DLC1: variants seen among roughly 807,000 people sequenced by gnomAD.
DLC1 encodes DLC1 Rho GTPase activating protein, also known as rho GTPase-activating protein 7.
Under a neutral mutation model 140.3 loss-of-function variants are expected in DLC1, and 54 were observed. The ratio of observed to expected loss-of-function variants is 0.38; its 90% CI spans 0.31 to 0.48. DLC1 has a LOEUF of 0.48. Among genes scored for constraint, DLC1 ranks in the 20% least tolerant of loss-of-function variants. The pLI is 0.96. For synonymous variants in DLC1, 986 were observed against 728.1 expected (o/e 1.35, Z -5.70); for missense variants, 2,536 against 1,907.0 (o/e 1.33, Z -6.14).
chr8:13,327,683 C>G (rs551564395), intron 4 of DLC1, among the ~76,000 whole-genome samples: 1 of 152,296 alleles, frequency 6.6e-6, no homozygotes, highest in African/African-American at 2.4e-5. Context: ...CAAAAATGTA[C>G]TGAGCCTCTA....
chr8:13,404,809 C>A (rs929978693), intron 2 of DLC1, among the ~76,000 whole-genome samples: 1 of 151,918 alleles, frequency 6.6e-6, no homozygotes, highest in Non-Finnish European at 1.5e-5. Flanking sequence ...ACCAGCCTGG[C>A]CAACATGGTG....
At chr8:13,484,271 T>C (rs1162368416) in intron 2 of DLC1, among the ~76,000 whole-genome samples, 2 of 152,152 alleles carry the variant, frequency 1.3e-5, no homozygotes, top group African/African-American at 2.4e-5. Context: ...TTATGTTCAT[T>C]AGAATTGTTA....
At chr8:13,414,862 G>T (rs1837972591) in intron 2 of DLC1, among the ~76,000 whole-genome samples, 1 of 152,094 alleles carries the variant, frequency 6.6e-6, no homozygotes, top group Non-Finnish European at 1.5e-5. Context: ...CCAGGCTGGA[G>T]TGCAATGGCT....
chr8:13,561,802 T>C (rs1204397298), intron 1 of DLC1, among the ~76,000 whole-genome samples: 1 of 152,202 alleles, frequency 6.6e-6, no homozygotes, highest in Non-Finnish European at 1.5e-5. Context: ...CAAAGATAAA[T>C]ATCCAATTTT....
At chr8:13,455,306 G>T (rs764623873) in intron 2 of DLC1, among the ~76,000 whole-genome samples, 4 of 152,058 alleles carry the variant, frequency 2.6e-5, no homozygotes, top group Non-Finnish European at 4.4e-5. Context: ...ATCCTTGGCC[G>T]GTCTGTTAAA....
At position 13,587,164 on chromosome 8, in the gene DLC1, C is replaced by G. The variant is rs142051932; in HGVS notation, c.-126+17373G>C. On this transcript the variant is annotated intron_variant, in intron 1 of 1. Transcript: ENST00000631382. ...CATATACACCACAAGCCTGTACATG[C>G]ACAGATGCACATTTTATTAGAATAG... Among the ~76,000 whole-genome samples, 113 of 151,288 alleles carry G rather than the reference C, an allele frequency of 7.5e-4. 1 individual carries two copies. Among genetic ancestry groups the G allele is most frequent in the African/African-American group, 2.5e-3 (103 of 41,246 alleles).
chr8:13,443,343 TAAAA>T (rs58765529), intron 2 of DLC1, among the ~76,000 whole-genome samples: 93 of 123,226 alleles, frequency 7.5e-4, no homozygotes, highest in African/African-American at 2.5e-3. Flanking sequence ...CCCTAAAACT[TAAAA>T]AAAAAAAAAA....
At chr8:13,478,905 A>T (rs1291435153) in intron 2 of DLC1, among the ~76,000 whole-genome samples, 1 of 152,230 alleles carries the variant, frequency 6.6e-6, no homozygotes, top group Admixed American at 6.5e-5. Flanking sequence ...ACTTGCCTAA[A>T]CAAGCTGGCC....
At chr8:13,483,231 T>C (rs1435843954) in intron 2 of DLC1, among the ~76,000 whole-genome samples, 1 of 152,166 alleles carries the variant, frequency 6.6e-6, no homozygotes, top group Non-Finnish European at 1.5e-5. Flanking sequence ...AGATTGAGGG[T>C]CCACCTGGGA....
At chr8:13,431,222 C>T (rs1316393706) in intron 2 of DLC1, among the ~76,000 whole-genome samples, 4 of 152,082 alleles carry the variant, frequency 2.6e-5, no homozygotes, top group East Asian at 1.9e-4. Context: ...CAGTGGCTCA[C>T]GCCTGTAATC....
In DLC1 at chr8:13,323,767, A is replaced by G. The variant is rs573396449; in HGVS notation, c.1315-18465T>C. Among the ~76,000 whole-genome samples, 6 of 152,336 alleles carry G rather than the reference A, an allele frequency of 3.9e-5. No individual in the cohort carries two copies. The East Asian group carries it at 7.7e-4, about 20-fold the overall frequency. Reference sequence around the variant, plus strand: ...ATACCTTATTGTTTGGAATATTTACATATTTAATCCTCACAGCAGTCCTAT... The same window carrying G: ...ATACCTTATTGTTTGGAATATTTACGTATTTAATCCTCACAGCAGTCCTAT... On this transcript the variant is annotated intron_variant, in intron 4 of 17. Coordinates refer to ENST00000276297, the MANE Select transcript of DLC1 (RefSeq NM_182643.3).
intron 10 of DLC1, among the ~76,000 whole-genome samples, chr8:13,097,282 G>C (rs1339487033): frequency 1.0e-5 from 1 of 99,592 alleles, no homozygotes; most frequent in Non-Finnish European, 2.1e-5. Context: ...TATTTTTTGA[G>C]ATAGAGTCTT....
intron 7 of DLC1, among the ~76,000 whole-genome samples, chr8:13,109,898 AC>A: frequency 6.6e-6 from 1 of 152,264 alleles, no homozygotes; most frequent in South Asian, 2.1e-4. Flanking sequence ...AAAAACAGAA[AC>A]AAAAACAGAA....
At chr8:13,493,370 C>G (rs993892262) in intron 2 of DLC1, among the ~76,000 whole-genome samples, 1 of 152,060 alleles carries the variant, frequency 6.6e-6, no homozygotes, top group Non-Finnish European at 1.5e-5. Flanking sequence ...GCTTAACTAT[C>G]TTTTAGGTTT....
At chr8:13,230,201 G>A (rs991565695) in intron 5 of DLC1, among the ~76,000 whole-genome samples, 1 of 152,278 alleles carries the variant, frequency 6.6e-6, no homozygotes, top group Admixed American at 6.5e-5. Flanking sequence ...ACCATTTCTG[G>A]TACTTGTAGC....
chr8:13,181,606 G>A (rs1826041781), intron 5 of DLC1, among the ~76,000 whole-genome samples: 1 of 150,948 alleles, frequency 6.6e-6, no homozygotes, highest in Admixed American at 6.6e-5. Flanking sequence ...CTGTCCTTGT[G>A]ATAGTTTGCT....
chr8:13,575,730 C>T (rs944976533), intron 1 of DLC1, among the ~76,000 whole-genome samples: 1 of 152,208 alleles, frequency 6.6e-6, no homozygotes, highest in Non-Finnish European at 1.5e-5. Flanking sequence ...TCACCTGAAA[C>T]TGGTAAGGGC....
chr8:13,534,285 CAT>C (rs779586090), intron 1 of DLC1, among the ~76,000 whole-genome samples: 12 of 152,296 alleles, frequency 7.9e-5, no homozygotes, highest in Admixed American at 2.0e-4. Flanking sequence ...TAAAGCTTCA[CAT>C]GTTTGCACTA....
In DLC1 at chr8:13,434,931, T is replaced by A. The variant is rs994500875; in HGVS notation, c.1024-33312A>T. 5.9e-5 allele frequency among the ~76,000 whole-genome samples: 9 copies of A among 151,974 alleles called. No individual in the cohort carries two copies. The South Asian group carries it at 1.9e-3, about 32-fold the overall frequency. Reference sequence around the variant, plus strand: ...CTGAGCTCAAGCGATCCACCCGCCTTGGCCTCCCAAAATGCTGGGATTACA... The same window carrying A: ...CTGAGCTCAAGCGATCCACCCGCCTAGGCCTCCCAAAATGCTGGGATTACA... On this transcript the variant is annotated intron_variant, in intron 2 of 17. Transcript: ENST00000276297.
Sources: allele counts gnomAD v4.1 joint callset (sites outside exome capture counted in the v4.1 genomes callset), GRCh38; gene constraint gnomAD v4.1.1; transcripts MANE v1.5; gene names NCBI Gene and HGNC (gene_info 2026-07-23, HGNC 2026-07-21).